The following NRG1 variants were observed in gnomAD, a reference collection of about 807,000 sequenced individuals.
The protein encoded by NRG1 is neuregulin 1.
A neutral mutation model predicts 63.8 loss-of-function variants in NRG1; 18 were observed. The ratio of observed to expected loss-of-function variants is 0.28; its 90% CI spans 0.19 to 0.42. The LOEUF (loss-of-function observed/expected upper bound fraction) is 0.42. NRG1 is among the 10% of genes least tolerant of loss of function. The probability of loss-of-function intolerance (pLI) is 1.00; values close to 1 mark genes in which losing one functional copy is unlikely to be tolerated. For synonymous variants in NRG1, 302 were observed against 301.3 expected (o/e 1.00, Z -0.02); for missense variants, 762 against 814.7 (o/e 0.94, Z 0.79).
intron 1 of NRG1, among the ~76,000 whole-genome samples, chr8:32,002,678 A>C (rs1462875): frequency 0.54 from 82,235 of 151,990 alleles, 26,197 homozygotes; most frequent in Non-Finnish European, 0.71. Flanking sequence ...CCTGAGTGCT[A>C]AGTGTGATTG....
At chr8:32,589,921 G>A (rs528584403) in intron 1 of NRG1, among the ~76,000 whole-genome samples, 57 of 152,246 alleles carry the variant, frequency 3.7e-4, no homozygotes, top group Admixed American at 9.8e-4. Flanking sequence ...AGTTTTTGTG[G>A]TGGTCAGAAT....
intron 1 of NRG1, among the ~76,000 whole-genome samples, chr8:31,773,968 C>T (rs538404068): frequency 1.3e-5 from 2 of 149,188 alleles, no homozygotes; most frequent in East Asian, 4.0e-4. Flanking sequence ...ATTGGGTACT[C>T]AATAAATATT....
At chr8:32,450,193 A>G (rs1820779214) in intron 1 of NRG1, among the ~76,000 whole-genome samples, 1 of 152,190 alleles carries the variant, frequency 6.6e-6, no homozygotes. Context: ...ATTATTTTAC[A>G]TATTTCATCT....
intron 1 of NRG1, among the ~76,000 whole-genome samples, chr8:32,059,213 C>T (rs1048509833): frequency 3.3e-5 from 5 of 151,720 alleles, no homozygotes; most frequent in African/African-American, 1.2e-4. Context: ...TATTTTCCTG[C>T]ATCATATCTT....
intron 5 of NRG1, among the ~76,000 whole-genome samples, chr8:32,629,165 T>C (rs1849825238): frequency 6.6e-6 from 1 of 152,226 alleles, no homozygotes; most frequent in Non-Finnish European, 1.5e-5. Context: ...GGTCTGAAAT[T>C]ATAAAAAATG....
chr8:32,061,576 T>C (rs189718743), intron 1 of NRG1: 2 of 152,158 alleles, frequency 1.3e-5, no homozygotes, highest in East Asian at 1.9e-4. Context: ...CTATGCCCTT[T>C]CACTGGTGAT....
At position 31,712,255 on chromosome 8, in the gene NRG1, C is replaced by CTTTTTTTTTTT. The variant is rs57363109; in HGVS notation, c.37+72844_37+72854dup. 2.9e-3 allele frequency among the ~76,000 whole-genome samples: 211 copies of CTTTTTTTTTTT among 72,344 alleles called. 24 individuals carry two copies. Among genetic ancestry groups the CTTTTTTTTTTT allele is most frequent in the Middle Eastern group, 0.011 (1 of 88 alleles). The allele number at this position is 72,344 out of a possible 152,430, so 47.5% of individuals were successfully genotyped here. A position where few individuals can be genotyped will look rare whatever the true frequency, so the allele number is the denominator to read the frequency against. ...TGACTTCCTGTTTCTTCTTCATGATCTTTTTTTTTTTTTTTTTTTTTTTTT... is the reference window on the plus strand; with the variant it reads ...TGACTTCCTGTTTCTTCTTCATGATCTTTTTTTTTTTTTTTTTTTTTTTTTTTTTTTTTTTT... On this transcript the variant is annotated intron_variant, in intron 1 of 10. Transcript: ENST00000519301.
chr8:32,734,859 T>C (rs1163291180), intron 6 of NRG1, among the ~76,000 whole-genome samples: 1 of 152,242 alleles, frequency 6.6e-6, no homozygotes, highest in Non-Finnish European at 1.5e-5. Context: ...AGCAGCCATG[T>C]ACATTTATTG....
At chr8:32,347,378 A>G (rs1377960947) in intron 1 of NRG1, among the ~76,000 whole-genome samples, 1 of 152,166 alleles carries the variant, frequency 6.6e-6, no homozygotes, top group Non-Finnish European at 1.5e-5. Context: ...TGATAAATTC[A>G]TTAAGGACAA....
At chr8:32,485,881 T>G (rs2129493947) in intron 1 of NRG1, among the ~76,000 whole-genome samples, 1 of 152,288 alleles carries the variant, frequency 6.6e-6, no homozygotes, top group Middle Eastern at 3.4e-3. Flanking sequence ...CTTGAATAAA[T>G]GAGCCTTGCA....
intron 1 of NRG1, among the ~76,000 whole-genome samples, chr8:32,407,118 C>T (rs1814096079): frequency 6.6e-6 from 1 of 151,576 alleles, no homozygotes; most frequent in African/African-American, 2.4e-5. Flanking sequence ...TCTCCTATTT[C>T]ATAGAAATGC....
chr8:32,342,728 C>G (rs904393251), intron 1 of NRG1, among the ~76,000 whole-genome samples: 2 of 152,184 alleles, frequency 1.3e-5, no homozygotes, highest in African/African-American at 2.4e-5. Context: ...AAAGATTTCA[C>G]TTAAATATGA....
intron 1 of NRG1, among the ~76,000 whole-genome samples, chr8:31,757,288 T>C (rs113448327): frequency 3.3e-5 from 5 of 152,276 alleles, no homozygotes; most frequent in African/African-American, 1.2e-4. Flanking sequence ...GTTTTAAGCC[T>C]GACATAGAAG....
intron 1 of NRG1, among the ~76,000 whole-genome samples, chr8:32,239,773 G>T (rs1324158860): frequency 6.6e-6 from 1 of 152,106 alleles, no homozygotes; most frequent in African/African-American, 2.4e-5. Context: ...TTTTACCAAA[G>T]ATGATATACA....
chr8:32,419,340 AT>A (rs1265338326), intron 1 of NRG1, among the ~76,000 whole-genome samples: 2 of 152,136 alleles, frequency 1.3e-5, no homozygotes, highest in South Asian at 2.1e-4. Context: ...AGAGCTTCAC[AT>A]TTTTCTGGTG....
chr8:32,690,717 GTT>G (rs997741461), intron 5 of NRG1, among the ~76,000 whole-genome samples: 1 of 147,698 alleles, frequency 6.8e-6, no homozygotes, highest in South Asian at 2.2e-4. Flanking sequence ...TACACACATA[GTT>G]TTTTTTTTTC....
intron 1 of NRG1, among the ~76,000 whole-genome samples, chr8:32,420,912 C>A (rs1342067224): frequency 6.6e-6 from 1 of 152,066 alleles, no homozygotes; most frequent in African/African-American, 2.4e-5. Context: ...TGAGTGAGTT[C>A]TCAGGAGATC....
At chr8:31,805,827 CAA>C (rs58107730) in intron 1 of NRG1, among the ~76,000 whole-genome samples, 3 of 105,318 alleles carry the variant, frequency 2.8e-5, no homozygotes. Flanking sequence ...GACTCCGTCT[CAA>C]AAAAAAAAAA....
rs189528882 is a variant in NRG1 at position 32,208,291 on chromosome 8, T to G, written c.38-387537T>G. Among the ~76,000 whole-genome samples the G allele has an allele frequency of 2.8e-3, 431 of 152,200 alleles. 1 individual carries two copies. Among genetic ancestry groups the G allele is most frequent in the Non-Finnish European group, 5.0e-3 (339 of 67,996 alleles). ...GGGACTATGAAGTGTTTTAATTTTTTTTTTTTTTTTAGACGGAGGTTTGCT... is the reference window on the plus strand; with the variant it reads ...GGGACTATGAAGTGTTTTAATTTTTGTTTTTTTTTTAGACGGAGGTTTGCT... On this transcript the variant is annotated intron_variant, in intron 1 of 10. Coordinates refer to the NRG1 transcript ENST00000519301.
Sources: allele counts gnomAD v4.1 joint callset (sites outside exome capture counted in the v4.1 genomes callset), GRCh38; gene constraint gnomAD v4.1.1; transcripts MANE v1.5; gene names NCBI Gene and HGNC (gene_info 2026-07-23, HGNC 2026-07-21).